AKAP6: variants seen among roughly 807,000 people sequenced by gnomAD.
AKAP6 encodes A-kinase anchor protein 6.
AKAP6 carries 58 observed loss-of-function variants against 188.5 expected under a neutral mutation model. The ratio of observed to expected loss-of-function variants is 0.31; its 90% CI spans 0.25 to 0.38. The LOEUF (loss-of-function observed/expected upper bound fraction) is 0.38. AKAP6 is among the 10% of genes least tolerant of loss of function. The pLI, the probability that AKAP6 is intolerant of heterozygous loss-of-function variation, is 1.00. For missense variants in AKAP6, 2,710 were observed against 2,740.0 expected (o/e 0.99, Z 0.24); for synonymous variants, 989 against 998.6 (o/e 0.99, Z 0.18).
At chr14:32,548,122 G>A (rs377008385) in intron 4 of AKAP6, among the ~76,000 whole-genome samples, 5 of 133,184 alleles carry the variant, frequency 3.8e-5, no homozygotes, top group African/African-American at 1.4e-4. Flanking sequence ...TTTCCTCTGA[G>A]CAGAGTTTTG....
At chr14:32,457,574 C>T (rs1226357323) in intron 2 of AKAP6, among the ~76,000 whole-genome samples, 1 of 152,134 alleles carries the variant, frequency 6.6e-6, no homozygotes, top group African/African-American at 2.4e-5. Flanking sequence ...AGAACTTCAA[C>T]ACAGTACTAG....
At chr14:32,688,775 G>A (rs1890038798) in intron 8 of AKAP6, among the ~76,000 whole-genome samples, 1 of 151,984 alleles carries the variant, frequency 6.6e-6, no homozygotes, top group East Asian at 1.9e-4. Flanking sequence ...GAACAGTTCT[G>A]TAAGTAACTA....
chr14:32,743,324 ACT>A (rs1460288381), intron 11 of AKAP6, among the ~76,000 whole-genome samples: 1 of 151,878 alleles, frequency 6.6e-6, no homozygotes, highest in Non-Finnish European at 1.5e-5. Flanking sequence ...CCCTTCAGCC[ACT>A]CTGTGTCTTT....
At chr14:32,617,620 C>A (rs570972258) in intron 7 of AKAP6, among the ~76,000 whole-genome samples, 1 of 152,124 alleles carries the variant, frequency 6.6e-6, no homozygotes, top group African/African-American at 2.4e-5. Context: ...TACGTGTGTC[C>A]TTTAGGTTGT....
At chr14:32,732,160 CT>C (rs1390719137) in intron 9 of AKAP6, among the ~76,000 whole-genome samples, 2 of 151,882 alleles carry the variant, frequency 1.3e-5, no homozygotes, top group Non-Finnish European at 1.5e-5. Flanking sequence ...TTAAACCCCC[CT>C]AGACCAGTTA....
intron 7 of AKAP6, among the ~76,000 whole-genome samples, chr14:32,642,843 A>G (rs1887817776): frequency 1.3e-5 from 2 of 152,184 alleles, no homozygotes; most frequent in South Asian, 4.1e-4. Flanking sequence ...TAAAAAATGG[A>G]TATGCCTTTG....
intron 7 of AKAP6, among the ~76,000 whole-genome samples, chr14:32,608,323 AC>A (rs199617506): frequency 0.014 from 2,153 of 151,952 alleles, 45 homozygotes; most frequent in African/African-American, 0.047. Flanking sequence ...ATATGGTGAA[AC>A]CCCCTCTCTA....
intron 7 of AKAP6, among the ~76,000 whole-genome samples, chr14:32,660,916 T>TCC (rs1359020253): frequency 1.4e-3 from 133 of 96,496 alleles, no homozygotes; most frequent in Non-Finnish European, 1.5e-3. Flanking sequence ...TATATTTTCT[T>TCC]CCCCGCCACC....
At chr14:32,769,037 A>ATTTTTTTTTTTATTTTTTTTTT (rs2032808197) in intron 11 of AKAP6, among the ~76,000 whole-genome samples, 1 of 56,926 alleles carries the variant, frequency 1.8e-5, no homozygotes, top group Non-Finnish European at 2.9e-5. Flanking sequence ...TGCTCTTTTG[A>ATTTTTTTTTTTATTTTTTTTTT]TTTTTTTTTT....
At position 32,815,401 on chromosome 14, in the gene AKAP6, A is replaced by G. The variant is rs576116492; in HGVS notation, c.3589-6001A>G. On this transcript the variant is annotated intron_variant, in intron 12 of 13. Coordinates refer to ENST00000280979, the MANE Select transcript of AKAP6 (RefSeq NM_004274.5). ...CAGGATTTGATTGCTCTAATGGGTC[A>G]GTTGTGATAGAATTTCAGACAATGG... Among the ~76,000 whole-genome samples, 5 of 152,346 alleles carry G rather than the reference A, an allele frequency of 3.3e-5. No individual in the cohort carries two copies. The South Asian group carries it at 1.0e-3, about 32-fold the overall frequency.
intron 7 of AKAP6, among the ~76,000 whole-genome samples, chr14:32,627,023 A>G (rs1254126009): frequency 1.3e-5 from 2 of 152,146 alleles, no homozygotes; most frequent in Non-Finnish European, 2.9e-5. Flanking sequence ...TTGTGGCTTT[A>G]TGAACATGGT....
intron 5 of AKAP6, 111 bp from the exon 6 acceptor site, chr14:32,599,299 T>G: frequency 1.3e-6 from 1 of 778,146 alleles, no homozygotes; most frequent in Non-Finnish European, 2.1e-6. Flanking sequence ...AGTTTGTCTA[T>G]TGGGTAAATT....
At chr14:32,368,277 G>C (rs184318870) in intron 1 of AKAP6, among the ~76,000 whole-genome samples, 5 of 152,096 alleles carry the variant, frequency 3.3e-5, no homozygotes, top group Admixed American at 2.0e-4. Context: ...CTTTAAGATC[G>C]TATCAGCCTA....
chr14:32,809,792 G>T (rs1163268264), intron 12 of AKAP6, among the ~76,000 whole-genome samples: 1 of 152,122 alleles, frequency 6.6e-6, no homozygotes, highest in African/African-American at 2.4e-5. Context: ...AGGGATCTCC[G>T]TTTATCCAAG....
chr14:32,633,423 C>T (rs1042216286), intron 7 of AKAP6, among the ~76,000 whole-genome samples: 1 of 152,054 alleles, frequency 6.6e-6, no homozygotes, highest in African/African-American at 2.4e-5. Flanking sequence ...CCATGATTCA[C>T]TCCCCTTTTC....
At chr14:32,767,119 G>C (rs766129104) in intron 11 of AKAP6, among the ~76,000 whole-genome samples, 1 of 152,004 alleles carries the variant, frequency 6.6e-6, no homozygotes. Context: ...TTTATTGAAA[G>C]GTATCTTATA....
At chr14:32,573,233 A>C (rs1279077976) in intron 4 of AKAP6, among the ~76,000 whole-genome samples, 1 of 152,214 alleles carries the variant, frequency 6.6e-6, no homozygotes, top group Non-Finnish European at 1.5e-5. Flanking sequence ...AGCCTTTCAA[A>C]GGTTTGTAAT....
intron 8 of AKAP6, among the ~76,000 whole-genome samples, chr14:32,692,985 C>G (rs1352407368): frequency 6.6e-6 from 1 of 152,134 alleles, no homozygotes; most frequent in Non-Finnish European, 1.5e-5. Flanking sequence ...GAAATACTCT[C>G]TTGGGATCAA....
intron 3 of AKAP6, among the ~76,000 whole-genome samples, chr14:32,544,163 A>G (rs192463294): frequency 9.2e-5 from 14 of 152,314 alleles, no homozygotes; most frequent in Admixed American, 7.2e-4. Context: ...TCCAGCTTCA[A>G]TTGGCTCACC....
Sources: allele counts gnomAD v4.1 joint callset (sites outside exome capture counted in the v4.1 genomes callset), GRCh38; gene constraint gnomAD v4.1.1; transcripts MANE v1.5; gene names NCBI Gene and HGNC (gene_info 2026-07-23, HGNC 2026-07-21).